Variants in AKT3 observed in about 807,000 individuals in gnomAD.
AKT3 encodes the protein RAC-gamma serine/threonine-protein kinase.
Under a neutral mutation model 65.3 loss-of-function variants are expected in AKT3, and 15 were observed. The ratio of observed to expected loss-of-function variants is 0.23; its 90% CI spans 0.15 to 0.35. The LOEUF (loss-of-function observed/expected upper bound fraction) is 0.35, where lower values mean the gene tolerates loss of function less well. Ranked by LOEUF, AKT3 falls within the 10% of genes least tolerant of loss-of-function variation. The probability of loss-of-function intolerance (pLI) is 1.00; values close to 1 mark genes in which losing one functional copy is unlikely to be tolerated. For synonymous variants in AKT3, 206 were observed against 183.8 expected (o/e 1.12, Z -0.98); for missense variants, 243 against 576.5 (o/e 0.42, Z 5.92).
At chr1:243,636,327 T>C (rs1679970876) in intron 6 of AKT3, among the ~76,000 whole-genome samples, 1 of 152,044 alleles carries the variant, frequency 6.6e-6, no homozygotes, top group South Asian at 2.1e-4. Flanking sequence ...CATTTAACCC[T>C]GAAAATAACC....
intron 4 of AKT3, among the ~76,000 whole-genome samples, chr1:243,662,632 A>C (rs2147912399): frequency 6.6e-6 from 1 of 151,848 alleles, no homozygotes; most frequent in African/African-American, 2.4e-5. Flanking sequence ...GGTGCAGCGC[A>C]CCAGCATGGC....
chr1:243,845,307 A>G (rs1017468742), intron 1 of AKT3, among the ~76,000 whole-genome samples: 6 of 150,892 alleles, frequency 4.0e-5, no homozygotes, highest in African/African-American at 1.5e-4. Context: ...AATCACCATG[A>G]GTCTGTTGCT....
At chr1:243,607,056 T>A (rs891858142) in intron 8 of AKT3, among the ~76,000 whole-genome samples, 1 of 152,242 alleles carries the variant, frequency 6.6e-6, no homozygotes, top group Non-Finnish European at 1.5e-5. Context: ...GTGGAAACAC[T>A]TGGATGACCA....
intron 12 of AKT3, among the ~76,000 whole-genome samples, chr1:243,519,848 T>C (rs1209385212): frequency 1.3e-5 from 2 of 152,212 alleles, no homozygotes; most frequent in African/African-American, 2.4e-5. Context: ...TGCACTGATA[T>C]AGGTAAATTA....
chr1:243,632,977 C>G (rs557200436), intron 6 of AKT3, among the ~76,000 whole-genome samples: 3 of 152,130 alleles, frequency 2.0e-5, no homozygotes, highest in Non-Finnish European at 2.9e-5. Context: ...CAAGACCACT[C>G]GAACTTTTTC....
chr1:243,490,682 C>T (rs886318517), intron 13 of AKT3, among the ~76,000 whole-genome samples: 1 of 152,240 alleles, frequency 6.6e-6, no homozygotes, highest in Non-Finnish European at 1.5e-5. Flanking sequence ...CCCTTGGGCA[C>T]ACAGGCTGAG....
At chr1:243,669,839 T>C (rs2147937734) in intron 3 of AKT3, among the ~76,000 whole-genome samples, 1 of 152,330 alleles carries the variant, frequency 6.6e-6, no homozygotes, top group Middle Eastern at 3.4e-3. Context: ...CCTGTATTTA[T>C]GTATAGAGTG....
chr1:243,785,397 TA>T (rs1691199527), intron 2 of AKT3, among the ~76,000 whole-genome samples: 1 of 152,078 alleles, frequency 6.6e-6, no homozygotes, highest in Non-Finnish European at 1.5e-5. Flanking sequence ...TTTTATAATA[TA>T]ATTTTCTACA....
intron 2 of AKT3, among the ~76,000 whole-genome samples, chr1:243,842,286 T>C (rs1050402820): frequency 6.6e-6 from 1 of 152,190 alleles, no homozygotes; most frequent in African/African-American, 2.4e-5. Flanking sequence ...AGGGAACTTG[T>C]AACCATAAAG....
chr1:243,609,314 TATAA>T (rs1192982214), intron 8 of AKT3, among the ~76,000 whole-genome samples: 1 of 147,240 alleles, frequency 6.8e-6, no homozygotes, highest in Admixed American at 7.0e-5. Context: ...AGTTATTAAA[TATAA>T]ATAACTTTTC....
chr1:243,585,763 G>A (rs116602592), intron 8 of AKT3, among the ~76,000 whole-genome samples: 3,436 of 152,142 alleles, frequency 0.023, 55 homozygotes, highest in Non-Finnish European at 0.031. Flanking sequence ...AGATTTAAAC[G>A]TAAAACCTCA....
At chr1:243,758,746 C>T (rs185003996) in intron 2 of AKT3, among the ~76,000 whole-genome samples, 4 of 152,286 alleles carry the variant, frequency 2.6e-5, no homozygotes, top group South Asian at 2.1e-4. Context: ...CAATAGGGTT[C>T]GCACTCCTAT....
At chr1:243,807,654 A>G (rs1323538196) in intron 2 of AKT3, among the ~76,000 whole-genome samples, 3 of 152,208 alleles carry the variant, frequency 2.0e-5, no homozygotes, top group Admixed American at 6.5e-5. Flanking sequence ...GCAGACTTAA[A>G]TGTCCCTGTC....
At chr1:243,682,050 T>C (rs1683962839) in intron 3 of AKT3, among the ~76,000 whole-genome samples, 2 of 152,176 alleles carry the variant, frequency 1.3e-5, no homozygotes, top group Admixed American at 1.3e-4. Context: ...CAAAAACTAG[T>C]TACGCACAAT....
intron 2 of AKT3, among the ~76,000 whole-genome samples, chr1:243,823,037 G>T (rs1179968342): frequency 6.6e-6 from 1 of 151,968 alleles, no homozygotes; most frequent in Non-Finnish European, 1.5e-5. Context: ...TCAATAAAAC[G>T]CTGGCAAAGT....
At position 243,573,062 on chromosome 1, in the gene AKT3, A is replaced by G. The variant is rs1399024403; in HGVS notation, c.697-14T>C. 2 of 1,611,666 alleles carry G rather than the reference A, an allele frequency of 1.2e-6. No individual in the cohort carries two copies. The highest frequency in any genetic ancestry group is 3.4e-5 in the Admixed American group (2 of 59,310). ...ATGGAAAAACAGCTGCAGGGTAAAC[A>G]GCAGGGACAGGATTGTAATAATTAC... On this transcript the variant is annotated splice_polypyrimidine_tract_variant and intron_variant, in intron 8 of 13. Transcript: ENST00000673466.
intron 3 of AKT3, among the ~76,000 whole-genome samples, chr1:243,682,587 G>GCTA (rs1684000981): frequency 6.6e-6 from 1 of 152,146 alleles, no homozygotes; most frequent in African/African-American, 2.4e-5. Flanking sequence ...AGGGCATTCT[G>GCTA]CTAAGTATTT....
rs6691105 is a variant in AKT3, at chr1:243,580,853, C to T, written c.697-7805G>A. 3.1e-3 allele frequency among the ~76,000 whole-genome samples: 465 copies of T among 152,228 alleles called. 5 individuals carry two copies. Among genetic ancestry groups the T allele is most frequent in the African/African-American group, 0.01 (434 of 41,528 alleles). On this transcript the variant is annotated intron_variant, in intron 8 of 13. Coordinates refer to ENST00000673466, the MANE Select transcript of AKT3 (RefSeq NM_005465.7). ...TGCCTAGTTGAGTAGCCTGAGCCAC[C>T]GCACTCCTCCTGGACATAACGTTAT...
At chr1:243,646,166 C>T (rs1196578987) in intron 4 of AKT3, 129 bp from the exon 5 acceptor site, 1 of 685,522 alleles carries the variant, frequency 1.5e-6, no homozygotes, top group Non-Finnish European at 2.2e-6. Flanking sequence ...CACAGATAAG[C>T]ATACACTCTC....
Sources: gnomAD v4.1 joint callset for allele counts (sites outside exome capture counted in the v4.1 genomes callset) on GRCh38, gnomAD v4.1.1 for gene constraint, MANE v1.5 for transcripts, NCBI Gene and HGNC (gene_info 2026-07-23, HGNC 2026-07-21) for gene names.